Variants in PPP3CA observed in about 807,000 individuals in gnomAD.
PPP3CA encodes the protein protein phosphatase 3 catalytic subunit alpha, also known as CAM-PRP catalytic subunit.
PPP3CA carries 14 observed loss-of-function variants against 66.5 expected under a neutral mutation model. The observed-to-expected ratio is 0.21, with a 90% CI of 0.14 to 0.33. The LOEUF is 0.33. Among genes scored for constraint, PPP3CA ranks in the 10% least tolerant of loss-of-function variants. The probability of loss-of-function intolerance (pLI) is 1.00; values close to 1 mark genes in which losing one functional copy is unlikely to be tolerated. For missense variants in PPP3CA, 317 were observed against 639.5 expected (o/e 0.50, Z 5.44); for synonymous variants, 232 against 226.2 (o/e 1.03, Z -0.23).
rs1018523266 is a variant in PPP3CA, at chr4:101,298,765, G to A, written c.58+47974C>T. 2.6e-5 allele frequency among the ~76,000 whole-genome samples: 4 copies of A among 152,116 alleles called. No homozygotes were observed. In the South Asian group the frequency reaches 8.3e-4, roughly 32 times the overall value. On this transcript the variant is annotated intron_variant, in intron 1 of 13. Transcript: ENST00000394854. ...GGCTATTAGTAGTTAAGTCTGGGGG[G>A]AGTTAAAACTTATGCATGAATTTTC...
chr4:101,170,046 A>G (rs1723824192), intron 2 of PPP3CA, among the ~76,000 whole-genome samples: 1 of 152,174 alleles, frequency 6.6e-6, no homozygotes, highest in Non-Finnish European at 1.5e-5. Context: ...TATAAAATAC[A>G]GTATTTATTT....
intron 2 of PPP3CA, among the ~76,000 whole-genome samples, chr4:101,109,764 CA>C (rs1232062668): frequency 1.3e-5 from 2 of 149,364 alleles, no homozygotes; most frequent in Admixed American, 6.7e-5. Flanking sequence ...ACACATAATA[CA>C]AAAAAAATTA....
intron 1 of PPP3CA, among the ~76,000 whole-genome samples, chr4:101,259,417 G>A (rs1055970366): frequency 6.6e-5 from 10 of 152,106 alleles, no homozygotes; most frequent in Non-Finnish European, 1.2e-4. Context: ...CAAGGAGATC[G>A]ATAAATCCCA....
rs112789544 is a variant in PPP3CA at position 101,339,911 on chromosome 4, A to T, written c.58+6828T>A. ...TACATAGAAAGAACTGGACATTTTA[A>T]ATAAAAACTACTACTAATTCTTCCC... On this transcript the variant is annotated intron_variant, in intron 1 of 13. Coordinates refer to ENST00000394854, the MANE Select transcript of PPP3CA (RefSeq NM_000944.5). Among the ~76,000 whole-genome samples the T allele has an allele frequency of 7.5e-3, 1,143 of 152,340 alleles. 12 individuals carry two copies. The highest frequency in any genetic ancestry group is 0.026 in the African/African-American group (1,092 of 41,576).
At chr4:101,189,197 C>T (rs1390717718) in intron 2 of PPP3CA, among the ~76,000 whole-genome samples, 6 of 152,066 alleles carry the variant, frequency 3.9e-5, no homozygotes. Flanking sequence ...AAGAAACACA[C>T]ACATATATAA....
At chr4:101,341,431 T>C (rs1332741749) in intron 1 of PPP3CA, among the ~76,000 whole-genome samples, 10 of 152,148 alleles carry the variant, frequency 6.6e-5, no homozygotes. Flanking sequence ...ACTATAAAAA[T>C]AAATGTCATC....
chr4:101,103,163 T>C (rs1303878050), intron 3 of PPP3CA, among the ~76,000 whole-genome samples: 1 of 152,162 alleles, frequency 6.6e-6, no homozygotes, highest in Non-Finnish European at 1.5e-5. Context: ...ATGCTTTTAA[T>C]GATAAGTAGT....
chr4:101,040,637 C>A, intron 10 of PPP3CA, 71 bp from the exon 11 acceptor site: 2 of 1,226,818 alleles, frequency 1.6e-6, no homozygotes, highest in South Asian at 1.4e-5. Context: ...CACATTTACA[C>A]ATACAACAGA....
chr4:101,299,094 G>A (rs926423284), intron 1 of PPP3CA, among the ~76,000 whole-genome samples: 1 of 143,042 alleles, frequency 7.0e-6, no homozygotes, highest in African/African-American at 2.6e-5. Flanking sequence ...TCAATATCAA[G>A]TGCCATATAT....
At chr4:101,298,244 G>C (rs1728256451) in intron 1 of PPP3CA, among the ~76,000 whole-genome samples, 1 of 151,564 alleles carries the variant, frequency 6.6e-6, no homozygotes, top group African/African-American at 2.4e-5. Context: ...TGTCATTCAG[G>C]ACCCCAAAGC....
At chr4:101,237,025 G>A (rs962171227) in intron 1 of PPP3CA, among the ~76,000 whole-genome samples, 7 of 149,558 alleles carry the variant, frequency 4.7e-5, no homozygotes, top group African/African-American at 1.7e-4. Flanking sequence ...AGGCTAATAA[G>A]AATTAAATAA....
chr4:101,239,853 G>T (rs553417520), intron 1 of PPP3CA, among the ~76,000 whole-genome samples: 1 of 151,884 alleles, frequency 6.6e-6, no homozygotes, highest in Non-Finnish European at 1.5e-5. Context: ...GGCATGAAAA[G>T]GCATCTCACT....
intron 3 of PPP3CA, among the ~76,000 whole-genome samples, chr4:101,105,178 T>C (rs987208359): frequency 6.6e-5 from 10 of 151,566 alleles, no homozygotes; most frequent in African/African-American, 2.2e-4. Flanking sequence ...CTTTTTTTTT[T>C]TTTCTTTAAG....
intron 1 of PPP3CA, among the ~76,000 whole-genome samples, chr4:101,216,234 T>C (rs1578562236): frequency 6.6e-6 from 1 of 152,296 alleles, no homozygotes; most frequent in East Asian, 1.9e-4. Flanking sequence ...CGTTGTACCC[T>C]GTAAGGGAAA....
At chr4:101,124,723 A>AAGAAAGAAAGAAAGAAAGAAAGAG (rs1722165250) in intron 2 of PPP3CA, among the ~76,000 whole-genome samples, 1 of 48,178 alleles carries the variant, frequency 2.1e-5, no homozygotes, top group Non-Finnish European at 4.4e-5. Flanking sequence ...GAAAGAAAGA[A>AAGAAAGAAAGAAAGAAAGAAAGAG]AGAGAAAGAA....
intron 3 of PPP3CA, among the ~76,000 whole-genome samples, chr4:101,103,024 T>C (rs1307654422): frequency 6.6e-6 from 1 of 151,794 alleles, no homozygotes; most frequent in Non-Finnish European, 1.5e-5. Flanking sequence ...AAATTAATTT[T>C]TGCCACAGAC....
chr4:101,070,771 T>TTA (rs1489660788), intron 8 of PPP3CA, among the ~76,000 whole-genome samples: 1 of 152,196 alleles, frequency 6.6e-6, no homozygotes, highest in Non-Finnish European at 1.5e-5. Flanking sequence ...ACCTAATGTG[T>TTA]TATACCTACA....
chr4:101,203,122 T>C (rs1725020178), intron 1 of PPP3CA, among the ~76,000 whole-genome samples: 1 of 152,200 alleles, frequency 6.6e-6, no homozygotes, highest in Admixed American at 6.5e-5. Flanking sequence ...TTACAGAATA[T>C]ATATTATACC....
chr4:101,174,907 A>G (rs1724008533), intron 2 of PPP3CA, among the ~76,000 whole-genome samples: 1 of 152,178 alleles, frequency 6.6e-6, no homozygotes, highest in South Asian at 2.1e-4. Context: ...TAACTTGAAC[A>G]GTCACAGAGC....
Sources: gnomAD v4.1 joint callset for allele counts (sites outside exome capture counted in the v4.1 genomes callset) on GRCh38, gnomAD v4.1.1 for gene constraint, MANE v1.5 for transcripts, NCBI Gene and HGNC (gene_info 2026-07-23, HGNC 2026-07-21) for gene names.